SYN3: variants seen among roughly 807,000 people sequenced by gnomAD.
SYN3 encodes the protein synapsin-3.
Under a neutral mutation model 65.8 loss-of-function variants are expected in SYN3, and 35 were observed. The ratio of observed to expected loss-of-function variants is 0.53; its 90% CI spans 0.41 to 0.70. SYN3 has a LOEUF of 0.70. Ranked by LOEUF, SYN3 falls within the 30% of genes least tolerant of loss-of-function variation. SYN3 has a pLI of 0.00. For missense variants in SYN3, 680 were observed against 749.0 expected (o/e 0.91, Z 1.08); for synonymous variants, 270 against 292.9 (o/e 0.92, Z 0.80).
At chr22:32,619,890 C>T (rs550050553) in intron 6 of SYN3, among the ~76,000 whole-genome samples, 16 of 152,348 alleles carry the variant, frequency 1.1e-4, no homozygotes, top group South Asian at 6.2e-4. Context: ...TGAGAGAATA[C>T]GTGGAAGAGT....
At chr22:32,547,625 G>A (rs1031777603) in intron 7 of SYN3, among the ~76,000 whole-genome samples, 2 of 152,204 alleles carry the variant, frequency 1.3e-5, no homozygotes, top group African/African-American at 4.8e-5. Context: ...ATGCATGCAT[G>A]TGTGCTCTGT....
chr22:32,689,584 T>C (rs2060635818), intron 6 of SYN3, among the ~76,000 whole-genome samples: 1 of 152,218 alleles, frequency 6.6e-6, no homozygotes, highest in Non-Finnish European at 1.5e-5. Context: ...CTTTCTTTGT[T>C]TCCTAAATGA....
intron 6 of SYN3, among the ~76,000 whole-genome samples, chr22:32,641,367 G>A (rs908732697): frequency 6.6e-6 from 1 of 152,126 alleles, no homozygotes; most frequent in Non-Finnish European, 1.5e-5. Flanking sequence ...CCAGCACTTT[G>A]GGAGGCTGAG....
intron 6 of SYN3, among the ~76,000 whole-genome samples, chr22:32,618,058 C>T (rs374432606): frequency 1.3e-5 from 2 of 152,178 alleles, no homozygotes; most frequent in Admixed American, 6.5e-5. Flanking sequence ...TATCTCAGTC[C>T]CTTCTTATCC....
rs1249591605 is a variant in SYN3, at chr22:32,837,256, G to A, written c.711+27659C>T. The stretch of plus-strand genomic sequence containing the variant: ...TTGAAGACCATGCTGCTATTCTGGT[G>A]GCCACTTGTGTGGGATAAAGTTTCC... On this transcript the variant is annotated intron_variant, in intron 6 of 13. Transcript: ENST00000358763. This position sits in a 1 kb window ranked among gnomAD's most constrained non-coding sequence, Gnocchi z 4.1. 6.6e-6 allele frequency among the ~76,000 whole-genome samples: 1 copy of A among 152,190 alleles called. No individual in the cohort carries two copies. Among genetic ancestry groups the A allele is most frequent in the East Asian group, 1.9e-4 (1 of 5,188 alleles).
intron 4 of SYN3, among the ~76,000 whole-genome samples, chr22:32,920,526 G>C (rs1013337794): frequency 3.3e-5 from 5 of 152,222 alleles, no homozygotes; most frequent in Admixed American, 1.3e-4. Context: ...ACAAAAACCA[G>C]AGGAAGGAGG....
chr22:32,766,873 A>T (rs1431550056), intron 6 of SYN3, among the ~76,000 whole-genome samples: 1 of 152,160 alleles, frequency 6.6e-6, no homozygotes, highest in Non-Finnish European at 1.5e-5. Context: ...ACTGGGCAAC[A>T]CTCCAGATTA....
intron 6 of SYN3, among the ~76,000 whole-genome samples, chr22:32,609,106 C>T (rs1309384934): frequency 9.2e-5 from 14 of 151,972 alleles, no homozygotes; most frequent in Admixed American, 2.0e-4. Flanking sequence ...GGGTGGATCA[C>T]GAGGTCAGGA....
intron 6 of SYN3, among the ~76,000 whole-genome samples, chr22:32,679,898 T>G (rs1205498086): frequency 6.8e-6 from 1 of 146,988 alleles, no homozygotes. Context: ...TTTTGGAAAT[T>G]TATCCCTTAC....
intron 6 of SYN3, chr22:32,863,179 C>T (rs1601572858): frequency 6.6e-6 from 1 of 152,666 alleles, no homozygotes; most frequent in East Asian, 1.9e-4. Context: ...TGGCCCCACC[C>T]TGCTCCAGTC....
intron 4 of SYN3, among the ~76,000 whole-genome samples, chr22:32,875,288 C>T (rs960065540): frequency 3.3e-5 from 5 of 152,174 alleles, no homozygotes; most frequent in Non-Finnish European, 7.3e-5. Flanking sequence ...TCCGAGGGCC[C>T]TCTTTGTAAA....
chr22:32,877,006 C>A (rs1319298665), intron 4 of SYN3, among the ~76,000 whole-genome samples: 1 of 152,140 alleles, frequency 6.6e-6, no homozygotes, highest in Non-Finnish European at 1.5e-5. Context: ...AGAAATAAGT[C>A]CCCTGTACTT....
intron 6 of SYN3, among the ~76,000 whole-genome samples, chr22:32,777,815 A>C (rs1333923982): frequency 6.6e-6 from 1 of 152,062 alleles, no homozygotes; most frequent in Non-Finnish European, 1.5e-5. Flanking sequence ...GTCTTACTTA[A>C]ATGCTAGCTT....
At chr22:32,917,804 A>G (rs527735303) in intron 4 of SYN3, among the ~76,000 whole-genome samples, 1 of 152,388 alleles carries the variant, frequency 6.6e-6, no homozygotes, top group African/African-American at 2.4e-5. Flanking sequence ...GGTGCACAGC[A>G]GCGGAGCCTG....
rs139348861 is a variant in SYN3 at position 32,930,333 on chromosome 22, G to A, written c.461+1057C>T. 3.4e-4 allele frequency among the ~76,000 whole-genome samples: 52 copies of A among 152,168 alleles called. No homozygotes were observed. In the East Asian group the frequency reaches 7.4e-3, roughly 22 times the overall value. ...GGGGAGTTTCCCTGCACAGGCTCTCGTTCTCTCTTGTCTGCCATCAGGTAA... is the reference window on the plus strand; with the variant it reads ...GGGGAGTTTCCCTGCACAGGCTCTCATTCTCTCTTGTCTGCCATCAGGTAA... On this transcript the variant is annotated intron_variant, in intron 4 of 13. Transcript: ENST00000358763.
intron 2 of SYN3, among the ~76,000 whole-genome samples, chr22:33,001,725 C>T (rs1355311345): frequency 1.3e-5 from 2 of 152,208 alleles, no homozygotes; most frequent in Non-Finnish European, 2.9e-5. Flanking sequence ...CTTAACCCTA[C>T]TTACATACAT....
intron 7 of SYN3, among the ~76,000 whole-genome samples, chr22:32,571,334 T>G (rs71313132): frequency 0.25 from 37,438 of 152,044 alleles, 5,068 homozygotes; most frequent in Admixed American, 0.33. Flanking sequence ...GGCCCTGGGT[T>G]GCTCTGGGAG....
chr22:32,584,425 GC>G (rs889611292), intron 7 of SYN3, among the ~76,000 whole-genome samples: 10 of 152,296 alleles, frequency 6.6e-5, no homozygotes, highest in African/African-American at 2.2e-4. Flanking sequence ...GGTGATGTGT[GC>G]CCCACTTCTG....
chr22:32,962,846 A>G (rs77237823), intron 3 of SYN3, among the ~76,000 whole-genome samples: 1,308 of 121,894 alleles, frequency 0.011, 16 homozygotes, highest in Middle Eastern at 0.043. Flanking sequence ...CTATCTATCT[A>G]TCTATCTGTC....
Sources: allele counts gnomAD v4.1 joint callset (sites outside exome capture counted in the v4.1 genomes callset), GRCh38; gene constraint gnomAD v4.1.1; non-coding constraint Gnocchi (gnomAD v3.1); transcripts MANE v1.5; gene names NCBI Gene and HGNC (gene_info 2026-07-23, HGNC 2026-07-21).